CTNNA3: variants seen among roughly 807,000 people sequenced by gnomAD.
CTNNA3 encodes catenin alpha-3.
In CTNNA3, 76 loss-of-function variants were observed where a neutral mutation model predicts 95.7. The observed-to-expected ratio is 0.79, with a 90% confidence interval of 0.66 to 0.96. CTNNA3 has a LOEUF of 0.96. CTNNA3 is among the 40% of genes least tolerant of loss of function. The pLI is 0.00. For missense variants in CTNNA3, 1,191 were observed against 1,089.8 expected, an observed-to-expected ratio of 1.09 and a Z score of -1.31; for synonymous variants, 431 against 374.4, an observed-to-expected ratio of 1.15 and a Z score of -1.74.
intron 3 of CTNNA3, among the ~76,000 whole-genome samples, chr10:67,551,356 T>A (rs1168112682): frequency 6.6e-6 from 1 of 151,132 alleles, no homozygotes; most frequent in Non-Finnish European, 1.5e-5. Flanking sequence ...CGGAGAAGAG[T>A]CAGGCAGTTT....
intron 1 of CTNNA3, among the ~76,000 whole-genome samples, chr10:67,739,987 C>T (rs562181020): frequency 1.3e-3 from 201 of 152,110 alleles, no homozygotes; most frequent in Non-Finnish European, 1.8e-3. Flanking sequence ...AGAACAGAGC[C>T]CTCAGAAATA....
rs933017472 is a variant in CTNNA3 at position 67,594,859 on chromosome 10, T to C, written c.292+11998A>G. The stretch of plus-strand genomic sequence containing the variant: ...AGCAGTATACACTGTACCCAGTTTG[T>C]AGTTTTTTATCCCTCACCCCACCTC... On this transcript the variant is annotated intron_variant, in intron 3 of 17. Transcript: ENST00000433211. 4.6e-5 allele frequency among the ~76,000 whole-genome samples: 7 copies of C among 152,152 alleles called. No individual in the cohort carries two copies. The East Asian group carries it at 1.3e-3, about 29-fold the overall frequency.
chr10:67,061,994 A>G (rs1054569149), intron 7 of CTNNA3, among the ~76,000 whole-genome samples: 1 of 152,166 alleles, frequency 6.6e-6, no homozygotes, highest in Non-Finnish European at 1.5e-5. Context: ...ACATTTTTCA[A>G]CCTACTTCCC....
At chr10:67,135,388 A>G (rs1350035569) in intron 7 of CTNNA3, among the ~76,000 whole-genome samples, 1 of 152,192 alleles carries the variant, frequency 6.6e-6, no homozygotes, top group Non-Finnish European at 1.5e-5. Flanking sequence ...AACAATGGAC[A>G]TACAGGTAAG....
chr10:66,336,455 T>C lies in CTNNA3; in HGVS notation c.1732+42697A>G, dbSNP rs80012952. ...TTGTCTAGTCATTTAATAATAACTT[T>C]GGAATCTTTGCTTATGTAAAAAGAA... is the stretch of plus-strand genomic sequence containing the variant. On this transcript the variant is annotated intron_variant, in intron 12 of 17. Transcript: ENST00000433211. 4.1e-4 allele frequency among the ~76,000 whole-genome samples: 62 copies of C among 152,232 alleles called. 1 individual carries two copies. The East Asian group carries it at 0.011, about 27-fold the overall frequency.
intron 13 of CTNNA3, among the ~76,000 whole-genome samples, chr10:66,200,000 A>G (rs1171477063): frequency 6.6e-6 from 1 of 150,384 alleles, no homozygotes; most frequent in East Asian, 2.0e-4. Context: ...ATGAACAGGA[A>G]GTAGCGTTCA....
chr10:67,218,272 C>T (rs549254248), intron 6 of CTNNA3, among the ~76,000 whole-genome samples: 1 of 152,108 alleles, frequency 6.6e-6, no homozygotes, highest in African/African-American at 2.4e-5. Flanking sequence ...AACAATGGTT[C>T]AACTTATAAT....
intron 5 of CTNNA3, among the ~76,000 whole-genome samples, chr10:67,461,515 A>G (rs971503854): frequency 2.0e-5 from 3 of 152,202 alleles, no homozygotes; most frequent in Non-Finnish European, 4.4e-5. Context: ...AGATTTATTT[A>G]TATGACCACA....
chr10:65,996,873 G>A (rs547686793), intron 15 of CTNNA3, among the ~76,000 whole-genome samples: 3 of 152,278 alleles, frequency 2.0e-5, no homozygotes, highest in South Asian at 4.1e-4. Flanking sequence ...TTCTGTCTTA[G>A]ATGCTGTATT....
intron 5 of CTNNA3, among the ~76,000 whole-genome samples, chr10:67,510,368 G>C (rs1839575075): frequency 6.6e-6 from 1 of 151,952 alleles, no homozygotes; most frequent in African/African-American, 2.4e-5. Flanking sequence ...TTTTGTATAA[G>C]GTGTAAGGAA....
intron 5 of CTNNA3, among the ~76,000 whole-genome samples, chr10:67,325,024 T>C (rs1779481543): frequency 6.6e-6 from 1 of 152,076 alleles, no homozygotes. Context: ...GTTTATGTGC[T>C]TAGAGGTCTT....
At chr10:66,766,548 A>C in intron 8 of CTNNA3, 132 bp from the exon 9 acceptor site, 1 of 722,098 alleles carries the variant, frequency 1.4e-6, no homozygotes, top group Non-Finnish European at 2.1e-6. Flanking sequence ...CAATACTTAA[A>C]GATATACAAG....
intron 5 of CTNNA3, among the ~76,000 whole-genome samples, chr10:67,468,796 C>T (rs552072064): frequency 8.8e-4 from 134 of 152,174 alleles, no homozygotes; most frequent in African/African-American, 2.9e-3. Context: ...GCCCAGCAAC[C>T]GGGAACACAC....
intron 6 of CTNNA3, among the ~76,000 whole-genome samples, chr10:67,199,864 C>T (rs537481457): frequency 8.5e-5 from 13 of 152,064 alleles, no homozygotes; most frequent in Non-Finnish European, 1.6e-4. Context: ...AAACTATATC[C>T]TTTAAATTTA....
At chr10:67,265,880 C>T (rs966141806) in intron 5 of CTNNA3, among the ~76,000 whole-genome samples, 1 of 152,132 alleles carries the variant, frequency 6.6e-6, no homozygotes, top group African/African-American at 2.4e-5. Context: ...TTATTCTCAG[C>T]TTGAGGTTCT....
At chr10:66,480,515 A>G (rs377235095) in intron 11 of CTNNA3, among the ~76,000 whole-genome samples, 2 of 152,192 alleles carry the variant, frequency 1.3e-5, no homozygotes, top group Admixed American at 6.5e-5. Flanking sequence ...ATATGTCATT[A>G]TAAAACAGAA....
intron 5 of CTNNA3, among the ~76,000 whole-genome samples, chr10:67,221,287 A>T: frequency 6.6e-6 from 1 of 152,222 alleles, no homozygotes; most frequent in East Asian, 1.9e-4. Flanking sequence ...TAAATCTAAA[A>T]TTACTCCCAA....
intron 10 of CTNNA3, among the ~76,000 whole-genome samples, chr10:66,546,556 C>T (rs906163540): frequency 6.6e-6 from 1 of 152,028 alleles, no homozygotes; most frequent in Admixed American, 6.6e-5. Context: ...TTGGGGAAGC[C>T]TCGAGAAACT....
At chr10:66,047,608 T>C (rs1213763236) in intron 15 of CTNNA3, among the ~76,000 whole-genome samples, 3 of 152,064 alleles carry the variant, frequency 2.0e-5, no homozygotes, top group African/African-American at 7.2e-5. Flanking sequence ...CTATTCAAAA[T>C]AGTATTGAAA....
Sources: gnomAD v4.1 joint callset for allele counts (sites outside exome capture counted in the v4.1 genomes callset) on GRCh38, gnomAD v4.1.1 for gene constraint, MANE v1.5 for transcripts, NCBI Gene and HGNC (gene_info 2026-07-23, HGNC 2026-07-21) for gene names.